Variants in PPP2R3A observed in about 807,000 individuals in gnomAD.
The protein encoded by PPP2R3A is protein phosphatase 2 regulatory subunit B''alpha, also known as serine/threonine-protein phosphatase 2A regulatory subunit B'' subunit alpha.
In PPP2R3A, 80 loss-of-function variants were observed where a neutral mutation model predicts 106.9. The observed-to-expected ratio is 0.75, with a 90% CI of 0.62 to 0.90. The LOEUF is 0.90. Among genes scored for constraint, PPP2R3A ranks in the 40% least tolerant of loss-of-function variants. PPP2R3A has a pLI of 0.00. For missense variants in PPP2R3A, 1,386 were observed against 1,350.4 expected (o/e 1.03, Z -0.41); for synonymous variants, 483 against 468.3 (o/e 1.03, Z -0.41).
At position 136,002,781 on chromosome 3, in the gene PPP2R3A, A is replaced by G. The variant is rs370962851; in HGVS notation, c.1283A>G (p.Asp428Gly). Residue 428 changes from aspartate to glycine, a missense_variant, in exon 2 of 14, where the codon GAT becomes GGT. Coordinates refer to ENST00000264977, the MANE Select transcript of PPP2R3A (RefSeq NM_002718.5). ...EEESDGKKAL[D>G]KGQKTENGPS... Reference sequence around the variant, plus strand: ...GAGTCAGATGGAAAGAAAGCATTAGATAAAGGACAAAAGACAGAGAATGGA... The same window carrying G: ...GAGTCAGATGGAAAGAAAGCATTAGGTAAAGGACAAAAGACAGAGAATGGA... The G allele has an allele frequency of 1.5e-5, 25 of 1,613,388 alleles. No individual in the cohort carries two copies. Among genetic ancestry groups the G allele is most frequent in the Non-Finnish European group, 2.0e-5 (24 of 1,179,688 alleles).
At chr3:136,102,376 T>C (rs560166429) in intron 11 of PPP2R3A, among the ~76,000 whole-genome samples, 194 bp downstream of exon 11, 1 of 144,472 alleles carries the variant, frequency 6.9e-6, no homozygotes, top group East Asian at 2.0e-4. Context: ...AGATGCAGTC[T>C]CGCTTTGTCT....
intron 1 of PPP2R3A, among the ~76,000 whole-genome samples, chr3:135,990,400 A>G (rs1001051925): frequency 2.0e-5 from 3 of 152,202 alleles, no homozygotes; most frequent in Admixed American, 2.0e-4. Flanking sequence ...ATCAGGACCC[A>G]GGAGGAGCTC....
rs1195910147 is a variant in PPP2R3A, at chr3:135,987,473, A to G, written c.-440-13586A>G. On this transcript the variant is annotated intron_variant, in intron 1 of 13. Coordinates refer to ENST00000264977, the MANE Select transcript of PPP2R3A (RefSeq NM_002718.5). ...CTTGCTCTTTGTTTCAGAGGGAAAC[A>G]TTATCTTTATTATGCTGGACAGTAA... Among the ~76,000 whole-genome samples, 3 of 152,228 alleles carry G rather than the reference A, an allele frequency of 2.0e-5. No individual in the cohort carries two copies. In the East Asian group the frequency reaches 5.8e-4, roughly 29 times the overall value.
At chr3:135,981,425 G>C (rs945944519) in intron 1 of PPP2R3A, among the ~76,000 whole-genome samples, 1 of 151,800 alleles carries the variant, frequency 6.6e-6, no homozygotes, top group Non-Finnish European at 1.5e-5. Flanking sequence ...GAAATGGTCA[G>C]TAAGGCCACT....
chr3:135,998,786 GATCT>G (rs1225915700), intron 1 of PPP2R3A, among the ~76,000 whole-genome samples: 1 of 152,154 alleles, frequency 6.6e-6, no homozygotes, highest in Non-Finnish European at 1.5e-5. Context: ...TCATTAAAAT[GATCT>G]ATGTCTATTT....
intron 1 of PPP2R3A, among the ~76,000 whole-genome samples, chr3:135,988,268 CA>C: frequency 6.8e-6 from 1 of 146,880 alleles, no homozygotes; most frequent in Non-Finnish European, 1.5e-5. Flanking sequence ...AAAAAAAAAA[CA>C]GTTTTTTTAA....
rs527506746 is a variant in PPP2R3A at position 136,001,275 on chromosome 3, A to T, written c.-224A>T. 5.3e-5 allele frequency: 25 copies of T among 472,378 alleles called. No individual in the cohort carries two copies. In the South Asian group the frequency reaches 9.7e-4, roughly 18 times the overall value. 29.3% of individuals were successfully genotyped at this position (472,378 alleles called of 1,614,324 possible). A position where few individuals can be genotyped will look rare whatever the true frequency, so the allele number is the denominator to read the frequency against. On this transcript the variant is annotated 5_prime_UTR_variant, in exon 2 of 14. Coordinates refer to ENST00000264977, the MANE Select transcript of PPP2R3A (RefSeq NM_002718.5). ...CTAAATAAAATTAAAAAGCACAATT[A>T]TTAAATTATTAAATTTGCCACACAT...
At position 136,146,811 on chromosome 3, in the gene PPP2R3A, A is replaced by G. The variant is rs532156743; in HGVS notation, c.*1645A>G. Reference sequence around the variant, plus strand: ...ATGTGATAAATGAAATCTCCTACCAATCCATCCAGCCTTTACCAGGGAAGA... The same window carrying G: ...ATGTGATAAATGAAATCTCCTACCAGTCCATCCAGCCTTTACCAGGGAAGA... On this transcript the variant is annotated 3_prime_UTR_variant, in exon 14 of 14. Coordinates refer to ENST00000264977, the MANE Select transcript of PPP2R3A (RefSeq NM_002718.5). The G allele has an allele frequency of 2.0e-5, 3 of 152,010 alleles. No homozygotes were observed. The highest frequency in any genetic ancestry group is 4.4e-5 in the Non-Finnish European group (3 of 68,006). 9.4% of individuals were successfully genotyped at this position (152,010 alleles called of 1,614,324 possible).
intron 2 of PPP2R3A, among the ~76,000 whole-genome samples, chr3:136,022,505 G>C (rs971396860): frequency 3.3e-5 from 5 of 152,002 alleles, no homozygotes; most frequent in Admixed American, 3.3e-4. Context: ...ATTCTTAATA[G>C]TTTCAAATTC....
At chr3:136,068,474 C>T (rs1255878473) in intron 5 of PPP2R3A, among the ~76,000 whole-genome samples, 1 of 152,110 alleles carries the variant, frequency 6.6e-6, no homozygotes, top group Non-Finnish European at 1.5e-5. Context: ...GCTGAGATCG[C>T]ACCACTGCTG....
chr3:135,974,199 C>T (rs1937329275), intron 1 of PPP2R3A, among the ~76,000 whole-genome samples: 1 of 152,172 alleles, frequency 6.6e-6, no homozygotes, highest in Admixed American at 6.5e-5. Context: ...CTTCCTGACG[C>T]CTAAAAGTTG....
At chr3:136,020,770 A>G (rs1286223866) in intron 2 of PPP2R3A, among the ~76,000 whole-genome samples, 2 of 152,152 alleles carry the variant, frequency 1.3e-5, no homozygotes, top group Non-Finnish European at 2.9e-5. Flanking sequence ...AGAAACTATT[A>G]GCCACAAATC....
At chr3:136,112,470 C>G (rs1252050051) in intron 13 of PPP2R3A, among the ~76,000 whole-genome samples, 1 of 152,086 alleles carries the variant, frequency 6.6e-6, no homozygotes, top group Non-Finnish European at 1.5e-5. Context: ...GTACAAAAAT[C>G]AGCAGCATTT....
intron 6 of PPP2R3A, among the ~76,000 whole-genome samples, chr3:136,073,188 C>G (rs528154007): frequency 6.6e-6 from 1 of 152,228 alleles, no homozygotes; most frequent in East Asian, 1.9e-4. Context: ...AGGATGGTCT[C>G]GATCTCCTGA....
rs956840752 is a variant in PPP2R3A, at chr3:136,101,882, G to A, written c.2928-125G>A. On this transcript the variant is annotated intron_variant, in intron 10 of 13. Coordinates refer to ENST00000264977, the MANE Select transcript of PPP2R3A (RefSeq NM_002718.5). ...TCCGCCATTTTCTCTAACAAACTTT[G>A]TAAAACTATATCTAAGCCTGAAGTG... is the stretch of plus-strand genomic sequence containing the variant. The A allele has an allele frequency of 5.6e-6, 6 of 1,066,280 alleles. No individual in the cohort carries two copies. The African/African-American group carries it at 9.7e-5, about 17-fold the overall frequency. The allele number at this position is 1,066,280 out of a possible 1,614,324, so 66.1% of individuals were successfully genotyped here.
Position 136,002,100 on chromosome 3 carries a change from T to C in PPP2R3A, c.602T>C (p.Phe201Ser), listed in dbSNP as rs749064575. 1 of 1,614,130 alleles carries C rather than the reference T, an allele frequency of 6.2e-7. No homozygotes were observed. The highest frequency in any genetic ancestry group is 8.5e-7 in the Non-Finnish European group (1 of 1,180,010). ...NSLDTNLTSM[F>S]LQNFSEEDLV... is the part of the protein sequence containing the mutation. ...CTGGATACGAACCTGACTTCCATGT[T>C]TCTTCAAAACTTTTCTGAAGAAGAC... Residue 201 changes from phenylalanine (F) to serine (S), a missense_variant, in exon 2 of 14, where the codon TTT becomes TCT. Phe to Ser is a radical substitution (Grantham distance 155). Transcript: ENST00000264977.
intron 6 of PPP2R3A, among the ~76,000 whole-genome samples, chr3:136,075,201 CTTATA>C (rs930176588): frequency 6.6e-6 from 1 of 152,106 alleles, no homozygotes; most frequent in Non-Finnish European, 1.5e-5. Flanking sequence ...TACAATTTAA[CTTATA>C]TATCAAGTTG....
At chr3:136,081,076 C>G (rs1422545159) in intron 7 of PPP2R3A, among the ~76,000 whole-genome samples, 1 of 152,042 alleles carries the variant, frequency 6.6e-6, no homozygotes, top group Non-Finnish European at 1.5e-5. Context: ...TCACTGCAAC[C>G]TCTGCCTCCC....
Position 136,026,953 on chromosome 3 carries a change from C to G in PPP2R3A, c.2117C>G (p.Ser706Cys). 6.2e-7 allele frequency: 1 copy of G among 1,613,626 alleles called. No homozygotes were observed. The highest frequency in any genetic ancestry group is 1.6e-4 in the Middle Eastern group (1 of 6,062). The stretch of plus-strand genomic sequence containing the variant: ...AATAATGTTGTGAATGCGCCATTGT[C>G]CATAAACATTCCACGGTTCTACTTT... The part of the protein sequence containing the change: ...HVNNVVNAPL[S>C]INIPRFYFPE... Residue 706 changes from serine to cysteine, a missense_variant, in exon 3 of 14, where the codon TCC (serine) becomes TGC (cysteine). Coordinates refer to ENST00000264977, the MANE Select transcript of PPP2R3A (RefSeq NM_002718.5).
Sources: gnomAD v4.1 joint callset for allele counts (sites outside exome capture counted in the v4.1 genomes callset) on GRCh38, gnomAD v4.1.1 for gene constraint, MANE v1.5 for transcripts, NCBI Gene and HGNC (gene_info 2026-07-23, HGNC 2026-07-21) for gene names.